The following TAFA1 variants were observed in gnomAD, a reference collection of about 807,000 sequenced individuals.
The protein encoded by TAFA1 is TAFA chemokine like family member 1.
TAFA1 carries 4 observed loss-of-function variants against 18.5 expected under a neutral mutation model. That is an observed-to-expected ratio of 0.22 (90% CI 0.11 to 0.49). TAFA1 has a LOEUF of 0.49. Ranked by LOEUF, TAFA1 falls within the 20% of genes least tolerant of loss-of-function variation. The probability of loss-of-function intolerance (pLI) is 0.98; values close to 1 mark genes in which losing one functional copy is unlikely to be tolerated. For synonymous variants in TAFA1, 56 were observed against 55.2 expected, an observed-to-expected ratio of 1.01 and a Z score of -0.06; for missense variants, 147 against 169.0, an observed-to-expected ratio of 0.87 and a Z score of 0.72.
At chr3:68,370,520 A>T in intron 2 of TAFA1, among the ~76,000 whole-genome samples, 1 of 107,724 alleles carries the variant, frequency 9.3e-6, no homozygotes, top group Admixed American at 1.1e-4. Context: ...ATATATACCC[A>T]CATATGTATT....
rs545073715 is a variant in TAFA1, at chr3:68,108,948, C to T, written c.118+102204C>T. Among the ~76,000 whole-genome samples the T allele has an allele frequency of 4.9e-5, 7 of 142,320 alleles. No individual in the cohort carries two copies. The East Asian group carries it at 8.9e-4, about 18-fold the overall frequency. The allele number at this position is 142,320 out of a possible 152,430, so 93.4% of individuals were successfully genotyped here. On this transcript the variant is annotated intron_variant, in intron 2 of 4. Transcript: ENST00000478136. Reference sequence around the variant, plus strand: ...AAAAATAAAAATTCTATCATGTTGCCATATTCTACACATTTTTTTTCAATT... The same window carrying T: ...AAAAATAAAAATTCTATCATGTTGCTATATTCTACACATTTTTTTTCAATT...
chr3:68,356,592 C>A (rs1238482618), intron 2 of TAFA1, among the ~76,000 whole-genome samples: 1 of 151,836 alleles, frequency 6.6e-6, no homozygotes, highest in East Asian at 1.9e-4. Context: ...CATGCAGTAT[C>A]TGATTTAATT....
At chr3:68,001,359 T>C (rs1425339116), upstream of TAFA1, among the ~76,000 whole-genome samples, 2 of 152,210 alleles carry the variant, frequency 1.3e-5, no homozygotes, top group Non-Finnish European at 2.9e-5. Flanking sequence ...ATGAAGGTTA[T>C]CTTTTTTTCC....
At chr3:68,541,086 T>C (rs2073365080) in intron 4 of TAFA1, among the ~76,000 whole-genome samples, 1 of 152,202 alleles carries the variant, frequency 6.6e-6, no homozygotes, top group Admixed American at 6.5e-5. Flanking sequence ...TTCTGACGTA[T>C]ACATCCTTTT....
At chr3:68,270,084 G>C (rs1201051810) in intron 2 of TAFA1, among the ~76,000 whole-genome samples, 2 of 152,098 alleles carry the variant, frequency 1.3e-5, no homozygotes, top group Non-Finnish European at 2.9e-5. Context: ...CCCTTTCTTT[G>C]TGCCAAAGAG....
At chr3:68,084,582 G>A (rs1460696470) in intron 2 of TAFA1, among the ~76,000 whole-genome samples, 1 of 152,094 alleles carries the variant, frequency 6.6e-6, no homozygotes, top group Non-Finnish European at 1.5e-5. Flanking sequence ...TGGATCACCT[G>A]AGGTCAGGAG....
At position 68,322,835 on chromosome 3, in the gene TAFA1, C is replaced by T. The variant is rs546893638; in HGVS notation, c.119-94445C>T. On this transcript the variant is annotated intron_variant, in intron 2 of 4. Coordinates refer to ENST00000478136, the MANE Select transcript of TAFA1 (RefSeq NM_213609.4). ...GTGCATGCCTGTAATCCCAGCTACTCAGGAGGCTGAGACAGAAGAATCTCT... is the reference window on the plus strand; with the variant it reads ...GTGCATGCCTGTAATCCCAGCTACTTAGGAGGCTGAGACAGAAGAATCTCT... 1.7e-4 allele frequency among the ~76,000 whole-genome samples: 26 copies of T among 152,232 alleles called. 1 individual carries two copies. The highest frequency in any genetic ancestry group is 6.0e-4 in the African/African-American group (25 of 41,538).
intron 3 of TAFA1, among the ~76,000 whole-genome samples, chr3:68,498,657 T>C (rs2072595160): frequency 6.6e-6 from 1 of 150,876 alleles, no homozygotes; most frequent in Non-Finnish European, 1.5e-5. Context: ...GAAGGCTGAT[T>C]CAAGTAGAGG....
At chr3:68,250,884 T>G (rs1385571536) in intron 2 of TAFA1, 1 of 151,880 alleles carries the variant, frequency 6.6e-6, no homozygotes, top group African/African-American at 2.4e-5. Flanking sequence ...ACCTACAAAA[T>G]CAGCAAAGGA....
intron 2 of TAFA1, among the ~76,000 whole-genome samples, chr3:68,055,962 C>A (rs76617699): frequency 0.012 from 1,879 of 152,194 alleles, 42 homozygotes; most frequent in African/African-American, 0.042. Context: ...CCATACTGAA[C>A]CCTGGGTTGG....
At chr3:68,321,489 A>G (rs1465692009) in intron 2 of TAFA1, among the ~76,000 whole-genome samples, 1 of 152,204 alleles carries the variant, frequency 6.6e-6, no homozygotes, top group African/African-American at 2.4e-5. Flanking sequence ...GTAAGAACCA[A>G]GTACTCAAGA....
At chr3:68,181,613 T>G (rs1399682016) in intron 2 of TAFA1, among the ~76,000 whole-genome samples, 3 of 152,168 alleles carry the variant, frequency 2.0e-5, no homozygotes, top group African/African-American at 7.2e-5. Context: ...TTTTAAAAAT[T>G]CCCTTCATAT....
intron 2 of TAFA1, among the ~76,000 whole-genome samples, chr3:68,220,292 G>A (rs929651444): frequency 3.3e-5 from 5 of 152,150 alleles, no homozygotes; most frequent in African/African-American, 9.6e-5. Flanking sequence ...AATGAAGCCA[G>A]TTCTAAAGTG....
rs2072616208 is a variant in TAFA1 at position 68,499,443 on chromosome 3, T to A, written c.260-39313T>A. 1.9e-4 allele frequency among the ~76,000 whole-genome samples: 11 copies of A among 56,942 alleles called. No homozygotes were observed. In the South Asian group the frequency reaches 4.8e-3, roughly 25 times the overall value. The allele number at this position is 56,942 out of a possible 152,430, so 37.4% of individuals were successfully genotyped here. On this transcript the variant is annotated intron_variant, in intron 3 of 4. Coordinates refer to ENST00000478136, the MANE Select transcript of TAFA1 (RefSeq NM_213609.4). ...TTTGTTTTCTTTCTTTCTGTGTTCC[T>A]TTCTTTTTTTTTTTTTTTTTTGAGA...
At chr3:68,154,402 G>A (rs761856407) in intron 2 of TAFA1, among the ~76,000 whole-genome samples, 2 of 152,180 alleles carry the variant, frequency 1.3e-5, no homozygotes, top group African/African-American at 2.4e-5. Context: ...GCAGGAAAGT[G>A]GGTTTGGTGA....
At chr3:68,286,361 G>T (rs565386912) in intron 2 of TAFA1, among the ~76,000 whole-genome samples, 57 of 152,110 alleles carry the variant, frequency 3.7e-4, no homozygotes, top group Non-Finnish European at 7.4e-4. Context: ...TGTTGGCTGT[G>T]TGAGACAGGA....
At chr3:68,163,051 A>C (rs1282255805) in intron 2 of TAFA1, among the ~76,000 whole-genome samples, 1 of 152,252 alleles carries the variant, frequency 6.6e-6, no homozygotes, top group Non-Finnish European at 1.5e-5. Context: ...TTTAATTTCT[A>C]TAAACTTAAT....
At chr3:68,064,716 T>C (rs973484548) in intron 2 of TAFA1, among the ~76,000 whole-genome samples, 1 of 147,602 alleles carries the variant, frequency 6.8e-6, no homozygotes, top group East Asian at 2.3e-4. Context: ...TTGTGTTTTG[T>C]GTAATTTTTT....
chr3:68,479,088 G>T (rs930962486), intron 3 of TAFA1, among the ~76,000 whole-genome samples: 1 of 149,426 alleles, frequency 6.7e-6, no homozygotes, highest in Admixed American at 6.7e-5. Context: ...AAAATTAACT[G>T]GGCATGGTGA....
Sources: gnomAD v4.1 joint callset for allele counts (sites outside exome capture counted in the v4.1 genomes callset) on GRCh38, gnomAD v4.1.1 for gene constraint, MANE v1.5 for transcripts, NCBI Gene and HGNC (gene_info 2026-07-23, HGNC 2026-07-21) for gene names.